Variants in STK3 observed in about 807,000 individuals in gnomAD.
STK3 encodes serine/threonine-protein kinase 3.
In STK3, 41 loss-of-function variants were observed where a neutral mutation model predicts 58.0. That is an observed-to-expected ratio of 0.71 (90% CI 0.55 to 0.92). The LOEUF is 0.92. Among genes scored for constraint, STK3 ranks in the 40% least tolerant of loss-of-function variants. STK3 has a pLI of 0.00. For missense variants in STK3, 479 were observed against 602.7 expected, an observed-to-expected ratio of 0.79 and a Z score of 2.15; for synonymous variants, 170 against 191.0, an observed-to-expected ratio of 0.89 and a Z score of 0.91.
intron 10 of STK3, among the ~76,000 whole-genome samples, chr8:98,515,494 G>A (rs1044931632): frequency 1.3e-5 from 2 of 152,190 alleles, no homozygotes; most frequent in South Asian, 4.1e-4. Context: ...ATTCGAATGG[G>A]CTTCAGTTTT....
chr8:98,352,514 A>C, the STK3 span, among the ~76,000 whole-genome samples: 1 of 152,220 alleles, frequency 6.6e-6, no homozygotes, highest in East Asian at 1.9e-4. Context: ...CACTGCAGAA[A>C]AAATGCCTAT....
chr8:98,588,739 T>C (rs1216281490), intron 7 of STK3, among the ~76,000 whole-genome samples: 19 of 151,758 alleles, frequency 1.3e-4, no homozygotes, highest in African/African-American at 3.9e-4. Context: ...GTACACCAAT[T>C]AGACGTAGAT....
At chr8:98,706,746 G>C in intron 5 of STK3, 112 bp from the exon 6 acceptor site, 1 of 1,215,282 alleles carries the variant, frequency 8.2e-7, no homozygotes, top group South Asian at 1.9e-5. Flanking sequence ...GATTATATCA[G>C]AAATTGACTA....
At chr8:98,593,310 C>A (rs748414938) in intron 7 of STK3, among the ~76,000 whole-genome samples, 1 of 152,076 alleles carries the variant, frequency 6.6e-6, no homozygotes, top group Non-Finnish European at 1.5e-5. Context: ...TTTTAAAAAT[C>A]CATCAGGAAT....
intron 3 of STK3, among the ~76,000 whole-genome samples, chr8:98,860,990 G>A (rs1463515358): frequency 6.6e-6 from 1 of 152,080 alleles, no homozygotes; most frequent in African/African-American, 2.4e-5. Context: ...AACCCAGGAG[G>A]TGGAGGTTGC....
chr8:98,452,757 ATTT>A (rs11329886), downstream of STK3, among the ~76,000 whole-genome samples: 57 of 110,410 alleles, frequency 5.2e-4, no homozygotes, highest in Admixed American at 7.7e-4. Flanking sequence ...AGACTTGAAG[ATTT>A]TTTTTTTTTT....
At chr8:98,722,985 A>C (rs561473163) in intron 4 of STK3, 112 of 411,392 alleles carry the variant, frequency 2.7e-4, no homozygotes, top group East Asian at 1.7e-3. Context: ...AACAAACAAA[A>C]AAAAAATTGT....
At chr8:98,665,473 T>C (rs1378158910) in intron 6 of STK3, among the ~76,000 whole-genome samples, 1 of 152,156 alleles carries the variant, frequency 6.6e-6, no homozygotes, top group Non-Finnish European at 1.5e-5. Context: ...CATGACTCAC[T>C]GTAGCCTCAG....
At chr8:98,934,430 T>C (rs1211669696) in intron 1 of STK3, among the ~76,000 whole-genome samples, 1 of 152,102 alleles carries the variant, frequency 6.6e-6, no homozygotes, top group East Asian at 1.9e-4. Context: ...CTCCCCACTC[T>C]AAGAAGAAAG....
intron 10 of STK3, among the ~76,000 whole-genome samples, chr8:98,522,106 G>C (rs528960473): frequency 1.3e-5 from 2 of 152,222 alleles, no homozygotes; most frequent in East Asian, 3.9e-4. Context: ...CAAAATCTAT[G>C]AGGGGCTAAA....
chr8:98,810,949 C>T (rs1205729155), intron 1 of STK3, among the ~76,000 whole-genome samples: 1 of 152,170 alleles, frequency 6.6e-6, no homozygotes, highest in Non-Finnish European at 1.5e-5. Context: ...CACACCTGCT[C>T]CCCCATGCCT....
intron 7 of STK3, among the ~76,000 whole-genome samples, chr8:98,584,882 C>T (rs1359313310): frequency 6.6e-6 from 1 of 151,632 alleles, no homozygotes; most frequent in African/African-American, 2.4e-5. Flanking sequence ...TGTTTTTTAG[C>T]TGCATAAATG....
chr8:98,707,906 A>G (rs1826077784), intron 4 of STK3, among the ~76,000 whole-genome samples: 1 of 152,096 alleles, frequency 6.6e-6, no homozygotes, highest in African/African-American at 2.4e-5. Flanking sequence ...TGGGAGGCTG[A>G]GGCGAGCAGA....
intron 4 of STK3, among the ~76,000 whole-genome samples, chr8:98,745,610 C>T (rs1829587660): frequency 6.6e-6 from 1 of 151,888 alleles, no homozygotes; most frequent in African/African-American, 2.4e-5. Context: ...ATAAGGGCTG[C>T]TTTTCCCCAA....
intron 10 of STK3, among the ~76,000 whole-genome samples, chr8:98,517,787 A>T (rs1825045397): frequency 6.6e-6 from 1 of 152,060 alleles, no homozygotes; most frequent in East Asian, 1.9e-4. Context: ...CTTAAATTAG[A>T]AGATCATAAA....
chr8:98,676,657 T>C lies in STK3; in HGVS notation c.684+29810A>G, dbSNP rs139036677. On this transcript the variant is annotated intron_variant, in intron 6 of 10. Coordinates refer to ENST00000419617, the MANE Select transcript of STK3 (RefSeq NM_006281.4). ...TAAACGGTAAATTTTGTTAAGTGTATTTTGCCACAATAAAAAAGTAAAAAA... is the reference window on the plus strand; with the variant it reads ...TAAACGGTAAATTTTGTTAAGTGTACTTTGCCACAATAAAAAAGTAAAAAA... Among the ~76,000 whole-genome samples the C allele has an allele frequency of 4.1e-4, 63 of 152,056 alleles. 1 individual carries two copies. In the East Asian group the frequency reaches 9.1e-3, roughly 22 times the overall value.
chr8:98,568,728 A>G (rs572724805), intron 8 of STK3, among the ~76,000 whole-genome samples: 1 of 152,346 alleles, frequency 6.6e-6, no homozygotes, highest in East Asian at 1.9e-4. Flanking sequence ...ATATGAAAAA[A>G]TAGCAAGTTT....
chr8:98,649,304 T>C (rs1820680607), intron 6 of STK3, among the ~76,000 whole-genome samples: 1 of 152,130 alleles, frequency 6.6e-6, no homozygotes, highest in South Asian at 2.1e-4. Context: ...ATCTATTGAG[T>C]TTGCTGCCAA....
At chr8:98,538,262 A>G (rs1224295081) in intron 9 of STK3, among the ~76,000 whole-genome samples, 1 of 152,238 alleles carries the variant, frequency 6.6e-6, no homozygotes, top group African/African-American at 2.4e-5. Flanking sequence ...TAGTGAATAC[A>G]TATAAAAACC....
Sources: allele counts gnomAD v4.1 joint callset (sites outside exome capture counted in the v4.1 genomes callset), GRCh38; gene constraint gnomAD v4.1.1; transcripts MANE v1.5; gene names NCBI Gene and HGNC (gene_info 2026-07-23, HGNC 2026-07-21).